The following NCBP1 variants were observed in gnomAD, a reference collection of about 807,000 sequenced individuals.
NCBP1 encodes nuclear cap-binding protein subunit 1.
A neutral mutation model predicts 111.7 loss-of-function variants in NCBP1; 16 were observed. The observed-to-expected ratio is 0.14, with a 90% CI of 0.10 to 0.22. The LOEUF is 0.22. NCBP1 is among the 10% of genes least tolerant of loss of function. The pLI is 1.00. For missense variants in NCBP1, 607 were observed against 957.5 expected, an observed-to-expected ratio of 0.63 and a Z score of 4.83; for synonymous variants, 304 against 314.3, an observed-to-expected ratio of 0.97 and a Z score of 0.35.
chr9:97,637,962 G>T (rs774172639), intron 1 of NCBP1, among the ~76,000 whole-genome samples: 1 of 152,152 alleles, frequency 6.6e-6, no homozygotes. Flanking sequence ...TCTGAGTGAA[G>T]TGGTAATGTT....
At chr9:97,639,822 A>G (rs1401097493) in intron 1 of NCBP1, among the ~76,000 whole-genome samples, 1 of 152,182 alleles carries the variant, frequency 6.6e-6, no homozygotes, top group Admixed American at 6.6e-5. Context: ...TACAAACAGC[A>G]AGGGTCTTAA....
rs943852844 is a variant in NCBP1 at position 97,673,493 on chromosome 9, T to C, written c.*2294T>C. 1.1e-4 allele frequency: 16 copies of C among 152,242 alleles called. No homozygotes were observed. Among genetic ancestry groups the C allele is most frequent in the African/African-American group, 3.1e-4 (13 of 41,458 alleles). The allele number at this position is 152,242 out of a possible 1,614,324, so 9.4% of individuals were successfully genotyped here. On this transcript the variant is annotated 3_prime_UTR_variant, in exon 23 of 23. Coordinates refer to ENST00000375147, the MANE Select transcript of NCBP1 (RefSeq NM_002486.5). ...TTTCTCTTGGTCCTCTCTTCATGTA[T>C]AATGGTTGCTTTTAACAGCTGTTCG...
intron 13 of NCBP1, 32 bp from the exon 14 acceptor site, chr9:97,655,979 T>C: frequency 6.3e-7 from 1 of 1,579,598 alleles, no homozygotes; most frequent in South Asian, 1.1e-5. Context: ...AGATTATATG[T>C]AAGCATTGAT....
At chr9:97,657,172 T>C (rs990694482) in intron 14 of NCBP1, among the ~76,000 whole-genome samples, 4 of 152,110 alleles carry the variant, frequency 2.6e-5, no homozygotes, top group Non-Finnish European at 5.9e-5. Flanking sequence ...TTCACTGTGT[T>C]AGCTGGGATG....
Position 97,661,053 on chromosome 9 carries a change from C to A in NCBP1, c.1585C>A (p.Gln529Lys). ...TCTGAAAGATGTACCAAATCCTAAC[C>A]AGGATGATGACGACGGTAAGTGGAA... Reference protein sequence around the residue: ...SILKDVPNPNQDDDDDEGFSF... With the variant: ...SILKDVPNPNKDDDDDEGFSF... The change falls in exon 16 of 23, where the codon CAG (glutamine) becomes AAG (lysine). Residue 529 changes from glutamine to lysine, a missense_variant. This residue lies in a region of NCBP1 where 282 missense variants were observed against 376.5 expected (regional missense o/e 0.75). Transcript: ENST00000375147. 6.2e-7 allele frequency: 1 copy of A among 1,612,468 alleles called. No individual in the cohort carries two copies. Among genetic ancestry groups the A allele is most frequent in the South Asian group, 1.1e-5 (1 of 91,002 alleles).
intron 5 of NCBP1, 78 bp downstream of exon 5, chr9:97,645,302 G>A: frequency 8.6e-7 from 1 of 1,159,974 alleles, no homozygotes; most frequent in Middle Eastern, 2.0e-4. Flanking sequence ...ATAGTACCAG[G>A]AATTTTTCGC....
Position 97,673,244 on chromosome 9 carries a change from A to G in NCBP1, c.*2045A>G, listed in dbSNP as rs182766692. 5 of 152,310 alleles carry G rather than the reference A, an allele frequency of 3.3e-5. No homozygotes were observed. Among genetic ancestry groups the G allele is most frequent in the East Asian group, 1.9e-4 (1 of 5,192 alleles). The allele number at this position is 152,310 out of a possible 1,614,324, so 9.4% of individuals were successfully genotyped here. On this transcript the variant is annotated 3_prime_UTR_variant, in exon 23 of 23. Coordinates refer to ENST00000375147, the MANE Select transcript of NCBP1 (RefSeq NM_002486.5). The stretch of plus-strand genomic sequence containing the variant: ...AAGTTTTGGGGGAGTCAAAAGTTAC[A>G]TGCAAATTTTTTACTGTGCGGGGTG...
Position 97,653,825 on chromosome 9 carries a change from C to T in NCBP1, c.1087C>T (p.Pro363Ser). ...GATCTTTGCAGAGCTGTTTCAACTT[C>T]CAGCACCCCCTCACATTGATGTGAT... ...EVIFAELFQL[P>S]APPHIDVMYT... Residue 363 changes from proline to serine, a missense_variant, in exon 11 of 23, where the codon CCA (proline) becomes TCA (serine). By Grantham distance (74) the Pro-to-Ser change is moderately conservative. This residue lies in a region of NCBP1 where 33 missense variants were observed against 46.5 expected (regional missense o/e 0.71). Transcript: ENST00000375147. The T allele has an allele frequency of 6.2e-7, 1 of 1,614,054 alleles. No individual in the cohort carries two copies. Among genetic ancestry groups the T allele is most frequent in the East Asian group, 2.2e-5 (1 of 44,866 alleles).
At chr9:97,667,162 T>G (rs1828031231) in intron 20 of NCBP1, among the ~76,000 whole-genome samples, 1 of 152,030 alleles carries the variant, frequency 6.6e-6, no homozygotes, top group Non-Finnish European at 1.5e-5. Context: ...ACAAGGGAAG[T>G]AGCAGAAGGG....
intron 10 of NCBP1, among the ~76,000 whole-genome samples, chr9:97,651,920 G>A (rs2131345018): frequency 6.6e-6 from 1 of 152,138 alleles, no homozygotes; most frequent in South Asian, 2.1e-4. Flanking sequence ...CATACAAAAG[G>A]TTGATGTTAG....
intron 6 of NCBP1, among the ~76,000 whole-genome samples, chr9:97,646,225 C>G (rs531278854): frequency 6.6e-6 from 1 of 152,188 alleles, no homozygotes; most frequent in Non-Finnish European, 1.5e-5. Context: ...TGGTCCTTAA[C>G]CCTCCATCCA....
At chr9:97,665,915 A>T (rs1379182631) in intron 19 of NCBP1, among the ~76,000 whole-genome samples, 5 of 152,204 alleles carry the variant, frequency 3.3e-5, no homozygotes, top group Non-Finnish European at 7.3e-5. Context: ...ACAATAAATC[A>T]TAAGAGAGGA....
intron 9 of NCBP1, among the ~76,000 whole-genome samples, 173 bp from the exon 10 acceptor site, chr9:97,651,137 C>A (rs1827486901): frequency 6.6e-6 from 1 of 152,040 alleles, no homozygotes; most frequent in African/African-American, 2.4e-5. Context: ...TAAAGATTTT[C>A]CTTGTGGTAG....
chr9:97,645,229 G>T lies in NCBP1; in HGVS notation c.489+5G>T. 6.3e-7 allele frequency: 1 copy of T among 1,597,828 alleles called. No homozygotes were observed. Among genetic ancestry groups the T allele is most frequent in the South Asian group, 1.1e-5 (1 of 90,602 alleles). ...CAGGAAGAAGATGTACCTCAGGTAA[G>T]AGAACCCCTCATGCTGAATCTTGAG... is the stretch of plus-strand genomic sequence containing the variant. On this transcript the variant is annotated splice_donor_5th_base_variant and intron_variant, in intron 5 of 22. Coordinates refer to ENST00000375147, the MANE Select transcript of NCBP1 (RefSeq NM_002486.5).
Position 97,673,679 on chromosome 9 carries a change from CA to C in NCBP1, c.*2481del, listed in dbSNP as rs1239523697. On this transcript the variant is annotated 3_prime_UTR_variant, in exon 23 of 23. Coordinates refer to ENST00000375147, the MANE Select transcript of NCBP1 (RefSeq NM_002486.5). ...AGACAAAAGATGGCATGTCACTGTA[CA>C]TCATACCTTGCAATAAATATTCTGT... 1.3e-5 allele frequency: 2 copies of C among 152,206 alleles called. No homozygotes were observed. Among genetic ancestry groups the C allele is most frequent in the Non-Finnish European group, 1.5e-5 (1 of 68,036 alleles). The allele number at this position is 152,206 out of a possible 1,614,324, so 9.4% of individuals were successfully genotyped here.
chr9:97,637,149 A>G (rs1827066330), intron 1 of NCBP1, among the ~76,000 whole-genome samples: 1 of 152,176 alleles, frequency 6.6e-6, no homozygotes, highest in Admixed American at 6.5e-5. Flanking sequence ...GGGAGATTAT[A>G]AAATTATACT....
chr9:97,649,091 ATTC>A, intron 8 of NCBP1, among the ~76,000 whole-genome samples: 1 of 152,348 alleles, frequency 6.6e-6, no homozygotes, highest in South Asian at 2.1e-4. Flanking sequence ...TCTTGTGATT[ATTC>A]ATATTGTATG....
rs773042637 is a variant in NCBP1, at chr9:97,650,569, A to G, written c.964A>G (p.Ile322Val). The change falls in exon 9 of 23, where the codon ATT (isoleucine) becomes GTT (valine). Residue 322 changes from isoleucine (I) to valine (V), a missense_variant. By Grantham distance (29) the Ile-to-Val change is conservative. This residue lies in a region of NCBP1 where 53 missense variants were observed against 144.8 expected (regional missense o/e 0.37). Coordinates refer to ENST00000375147, the MANE Select transcript of NCBP1 (RefSeq NM_002486.5). ...FVIEENLHCI[I>V]KSHWKERKTC... ...AATAGAAGAGAATCTTCACTGCATC[A>G]TTAAGTCCCACTGGAAGGAAAGGAA... The G allele has an allele frequency of 1.0e-4, 166 of 1,613,190 alleles. No homozygotes were observed. Among genetic ancestry groups the G allele is most frequent in the Non-Finnish European group, 1.4e-4 (163 of 1,179,510 alleles).
chr9:97,640,478 G>A (rs972703316), intron 1 of NCBP1, among the ~76,000 whole-genome samples: 3 of 152,146 alleles, frequency 2.0e-5, no homozygotes, highest in Admixed American at 6.6e-5. Flanking sequence ...AACTACTAGT[G>A]TTTAACATGT....
Sources: gnomAD v4.1 joint callset for allele counts (sites outside exome capture counted in the v4.1 genomes callset) on GRCh38, gnomAD v4.1.1 for gene constraint, gnomAD v4.1.1 regional missense constraint, MANE v1.5 for transcripts, NCBI Gene and HGNC (gene_info 2026-07-23, HGNC 2026-07-21) for gene names.